The following RASAL2 variants were observed in gnomAD, a reference collection of about 807,000 sequenced individuals.
RASAL2 encodes RAS protein activator like 2, also known as ras GTPase-activating protein nGAP.
A neutral mutation model predicts 128.9 loss-of-function variants in RASAL2; 58 were observed. That is an observed-to-expected ratio of 0.45 (90% CI 0.36 to 0.56). RASAL2 has a LOEUF of 0.56. Ranked by LOEUF, RASAL2 falls within the 20% of genes least tolerant of loss-of-function variation. RASAL2 has a pLI of 0.00. For synonymous variants in RASAL2, 561 were observed against 580.8 expected (o/e 0.97, Z 0.49); for missense variants, 1,360 against 1,601.6 (o/e 0.85, Z 2.57).
At chr1:178,389,265 T>C in intron 3 of RASAL2, 2 of 984,178 alleles carry the variant, frequency 2.0e-6, no homozygotes, top group Non-Finnish European at 2.4e-6. Flanking sequence ...GATTCCTTTA[T>C]GTCTGTCAGT....
Position 178,094,430 on chromosome 1 carries a change from G to A in RASAL2, c.-63G>A, listed in dbSNP as rs1658589952. The A allele has an allele frequency of 3.5e-6, 5 of 1,433,206 alleles. No individual in the cohort carries two copies. The highest frequency in any genetic ancestry group is 2.5e-5 in the East Asian group (1 of 39,408). The allele number at this position is 1,433,206 out of a possible 1,614,324, so 88.8% of individuals were successfully genotyped here. Reference sequence around the variant, plus strand: ...CTCCTCCCCTTACCGCAGGCAGGGCGCGGAGCCGCGCGCCAGCCCGCCCCG... The same window carrying A: ...CTCCTCCCCTTACCGCAGGCAGGGCACGGAGCCGCGCGCCAGCCCGCCCCG... On this transcript the variant is annotated 5_prime_UTR_variant, in exon 1 of 18. Coordinates refer to ENST00000367649, the MANE Select transcript of RASAL2 (RefSeq NM_170692.4).
In RASAL2 at chr1:178,457,955, A is replaced by C; in HGVS notation, c.2663A>C (p.Lys888Thr). 1 of 1,614,078 alleles carries C rather than the reference A, an allele frequency of 6.2e-7. No homozygotes were observed. Among genetic ancestry groups the C allele is most frequent in the Non-Finnish European group, 8.5e-7 (1 of 1,180,014 alleles). ...TCCATAACCCAGGTGGCCAGCATCA[A>C]ACAGCTGCGGGAAACCCAGAGCACT... ...QLSITQVASI[K>T]QLRETQSTPQ... Residue 888 changes from lysine (K) to threonine (T), a missense_variant, in exon 14 of 18, where the codon AAA becomes ACA. Around this residue, in one of 3 missense-constraint regions of RASAL2, gnomAD observed 741 missense variants for 868.6 expected, o/e 0.85. Transcript: ENST00000367649.
At chr1:178,348,955 ATG>A (rs1350051088) in intron 3 of RASAL2, among the ~76,000 whole-genome samples, 1 of 151,416 alleles carries the variant, frequency 6.6e-6, no homozygotes, top group Non-Finnish European at 1.5e-5. Context: ...GCCTGCCACC[ATG>A]CCTGGCTAAT....
At chr1:178,192,053 T>C (rs1049588648) in intron 1 of RASAL2, among the ~76,000 whole-genome samples, 1 of 152,082 alleles carries the variant, frequency 6.6e-6, no homozygotes, top group African/African-American at 2.4e-5. Context: ...TGAAGGAGCA[T>C]ATGGACCTAA....
chr1:178,442,950 C>T lies in RASAL2; in HGVS notation c.1203C>T (p.Pro401=). The part of the protein sequence containing the change: ...KNNYVGLVNI[P]TASVTGRQFV... ...ATTATGTAGGGCTAGTCAACATCCC[C>T]ACTGCCAGTGTGACTGGTCGCCAAT... Residue 401 remains proline (P), a synonymous_variant, in exon 8 of 18, where the codon CCC becomes CCT. Coordinates refer to ENST00000367649, the MANE Select transcript of RASAL2 (RefSeq NM_170692.4). 2 of 1,614,000 alleles carry T rather than the reference C, an allele frequency of 1.2e-6. No individual in the cohort carries two copies. Among genetic ancestry groups the T allele is most frequent in the Non-Finnish European group, 1.7e-6 (2 of 1,179,984 alleles).
chr1:178,101,431 A>G lies in RASAL2; in HGVS notation c.202+6737A>G, dbSNP rs576738198. Reference sequence around the variant, plus strand: ...TTTACCCCTCCATAAATTATCTTCAACATTGCTCGAGTTCCATTCACATTG... The same window carrying G: ...TTTACCCCTCCATAAATTATCTTCAGCATTGCTCGAGTTCCATTCACATTG... On this transcript the variant is annotated intron_variant, in intron 1 of 17. Transcript: ENST00000367649. Among the ~76,000 whole-genome samples, 307 of 152,234 alleles carry G rather than the reference A, an allele frequency of 2.0e-3. 1 individual carries two copies. Among genetic ancestry groups the G allele is most frequent in the African/African-American group, 7.1e-3 (295 of 41,552 alleles).
chr1:178,373,694 C>A (rs1174352533), intron 3 of RASAL2, among the ~76,000 whole-genome samples: 1 of 151,970 alleles, frequency 6.6e-6, no homozygotes, highest in Non-Finnish European at 1.5e-5. Flanking sequence ...GTGGGGAAGG[C>A]ATTATCCTAC....
chr1:178,463,886 CT>C (rs1368165661), intron 14 of RASAL2, among the ~76,000 whole-genome samples: 1 of 152,010 alleles, frequency 6.6e-6, no homozygotes, highest in Non-Finnish European at 1.5e-5. Flanking sequence ...CTTTCTTTCT[CT>C]TATTTAATCA....
intron 14 of RASAL2, among the ~76,000 whole-genome samples, chr1:178,462,187 A>T (rs886977297): frequency 6.6e-5 from 10 of 152,162 alleles, no homozygotes; most frequent in African/African-American, 1.9e-4. Context: ...AACTAGAGAT[A>T]TTTTTTGCTA....
chr1:178,096,348 C>T (rs1171612195), intron 1 of RASAL2, among the ~76,000 whole-genome samples: 1 of 152,088 alleles, frequency 6.6e-6, no homozygotes, highest in African/African-American at 2.4e-5. Flanking sequence ...AATCTGGGTT[C>T]TCTGGACCTA....
At chr1:178,123,540 C>T (rs1307351501) in intron 1 of RASAL2, among the ~76,000 whole-genome samples, 1 of 152,174 alleles carries the variant, frequency 6.6e-6, no homozygotes, top group Admixed American at 6.5e-5. Flanking sequence ...AGATAAGCTA[C>T]ATGTTCAAAC....
chr1:178,449,656 T>C (rs543753120), intron 9 of RASAL2, among the ~76,000 whole-genome samples: 2 of 152,212 alleles, frequency 1.3e-5, no homozygotes, highest in Admixed American at 1.3e-4. Context: ...TAAAAGCCTC[T>C]CCTTTCAATA....
chr1:178,208,810 G>A (rs896702629), intron 1 of RASAL2, among the ~76,000 whole-genome samples: 13 of 152,064 alleles, frequency 8.5e-5, no homozygotes, highest in African/African-American at 2.9e-4. Context: ...GCTCAGGTGG[G>A]CATCACTGTC....
intron 1 of RASAL2, among the ~76,000 whole-genome samples, chr1:178,164,326 A>G (rs759391152): frequency 1.3e-5 from 2 of 152,270 alleles, no homozygotes. Flanking sequence ...CATTTTTGCA[A>G]TCATCATTAT....
intron 3 of RASAL2, among the ~76,000 whole-genome samples, chr1:178,361,533 A>C (rs1433596513): frequency 6.6e-6 from 1 of 151,908 alleles, no homozygotes; most frequent in Non-Finnish European, 1.5e-5. Context: ...GGTTCTGCAT[A>C]TGTGTGGATT....
chr1:178,218,819 A>G (rs1488340411), intron 1 of RASAL2, among the ~76,000 whole-genome samples: 1 of 152,242 alleles, frequency 6.6e-6, no homozygotes, highest in Non-Finnish European at 1.5e-5. Context: ...GGAATAGAAA[A>G]TGAGCATTGG....
At chr1:178,355,809 G>A (rs1432210557) in intron 3 of RASAL2, among the ~76,000 whole-genome samples, 1 of 152,164 alleles carries the variant, frequency 6.6e-6, no homozygotes, top group East Asian at 1.9e-4. Flanking sequence ...CTTCACAAAA[G>A]AATATAACCA....
At chr1:178,171,025 T>C (rs796981902) in intron 1 of RASAL2, among the ~76,000 whole-genome samples, 10 of 152,068 alleles carry the variant, frequency 6.6e-5, no homozygotes, top group African/African-American at 2.4e-4. Flanking sequence ...AGTTTGCTTG[T>C]CTTTATGTCC....
At chr1:178,256,713 G>A (rs781378378) in intron 1 of RASAL2, among the ~76,000 whole-genome samples, 29 of 152,190 alleles carry the variant, frequency 1.9e-4, no homozygotes, top group Middle Eastern at 3.4e-3. Flanking sequence ...TTGCTCTGTC[G>A]CCCAGGCTGG....
Sources: allele counts gnomAD v4.1 joint callset (sites outside exome capture counted in the v4.1 genomes callset), GRCh38; gene constraint gnomAD v4.1.1; regional missense constraint gnomAD v4.1.1; transcripts MANE v1.5; gene names NCBI Gene and HGNC (gene_info 2026-07-23, HGNC 2026-07-21).